ZNFX1: variants seen among roughly 807,000 people sequenced by gnomAD.
The protein encoded by ZNFX1 is NFX1-type zinc finger-containing protein 1.
Under a neutral mutation model 179.8 loss-of-function variants are expected in ZNFX1, and 78 were observed. That is an observed-to-expected ratio of 0.43 (90% CI 0.36 to 0.52). ZNFX1 has a LOEUF of 0.52. ZNFX1 is among the 20% of genes least tolerant of loss of function. The pLI, the probability that ZNFX1 is intolerant of heterozygous loss-of-function variation, is 0.00. For missense variants in ZNFX1, 1,927 were observed against 2,386.6 expected (o/e 0.81, Z 4.01); for synonymous variants, 848 against 868.5 (o/e 0.98, Z 0.42).
Position 49,264,994 on chromosome 20 carries a change from C to T in ZNFX1, c.2003-130G>A, listed in dbSNP as rs1198584373. ...AAACTTGTGCTTAAAGGAAATTTACCCCATTAATGAGTGAGAAGGTCCCCG... is the reference window on the plus strand; with the variant it reads ...AAACTTGTGCTTAAAGGAAATTTACTCCATTAATGAGTGAGAAGGTCCCCG... On this transcript the variant is annotated intron_variant, in intron 4 of 13. Coordinates refer to ENST00000396105, the MANE Select transcript of ZNFX1 (RefSeq NM_021035.3). The T allele has an allele frequency of 3.0e-5, 38 of 1,267,752 alleles. No individual in the cohort carries two copies. The East Asian group carries it at 8.7e-4, about 29-fold the overall frequency. The allele number at this position is 1,267,752 out of a possible 1,614,324, so 78.5% of individuals were successfully genotyped here. A position where few individuals can be genotyped will look rare whatever the true frequency, so the allele number is the denominator to read the frequency against.
chr20:49,272,770 A>C (rs1600998332), intron 2 of ZNFX1, among the ~76,000 whole-genome samples: 1 of 152,238 alleles, frequency 6.6e-6, no homozygotes, highest in South Asian at 2.1e-4. Flanking sequence ...TTTTTGAGCT[A>C]ACAGACTATG....
chr20:49,271,786 C>G (rs754208562), intron 2 of ZNFX1, 36 bp from the exon 3 acceptor site: 4 of 1,550,840 alleles, frequency 2.6e-6, no homozygotes, highest in Non-Finnish European at 3.5e-6. Context: ...CCACAAGAAC[C>G]AAGTTCTGTT....
At chr20:49,266,065 A>G (rs775275615) in intron 4 of ZNFX1, 70 bp downstream of exon 4, 10 of 1,543,892 alleles carry the variant, frequency 6.5e-6, no homozygotes, top group Non-Finnish European at 7.0e-6. Flanking sequence ...AGCAATAGAA[A>G]GCTACTGAAG....
rs1981351401 is a variant in ZNFX1 at position 49,270,363 on chromosome 20, C to T, written c.1449G>A (p.Gln483=). ...EQEDLCRGIV[Q]LCFNEQSQQL... ...GTTGGCTTTGCTCATTGAAGCAGAG[C>T]TGGACAATTCCTCGGCAGAGATCTT... The change falls in exon 3 of 14, where the codon CAG becomes CAA. Residue 483 remains glutamine, a synonymous_variant. Transcript: ENST00000396105. This position sits in a 1 kb window ranked among gnomAD's most constrained non-coding sequence, Gnocchi z 4.6. 3.1e-6 allele frequency: 5 copies of T among 1,614,218 alleles called. No individual in the cohort carries two copies. The highest frequency in any genetic ancestry group is 3.4e-6 in the Non-Finnish European group (4 of 1,180,042).
chr20:49,250,079 AC>A (rs1475721118), intron 13 of ZNFX1, among the ~76,000 whole-genome samples: 9 of 152,124 alleles, frequency 5.9e-5, no homozygotes, highest in Non-Finnish European at 8.8e-5. Flanking sequence ...ACATGGTGAA[AC>A]CCCGTCTCTA....
intron 5 of ZNFX1, among the ~76,000 whole-genome samples, chr20:49,263,946 G>A (rs561802498): frequency 3.3e-5 from 5 of 152,260 alleles, no homozygotes; most frequent in South Asian, 2.1e-4. Context: ...ATGTTGGGCC[G>A]GGCGCGGTGG....
intron 6 of ZNFX1, 113 bp downstream of exon 6, chr20:49,263,221 G>A: frequency 7.6e-7 from 1 of 1,320,950 alleles, no homozygotes; most frequent in Non-Finnish European, 1.0e-6. Context: ...TTTACACATT[G>A]TGGCAGCATC....
Position 49,246,510 on chromosome 20 carries a change from A to G in ZNFX1, c.*757T>C, listed in dbSNP as rs142547545. 1.2e-3 allele frequency: 218 copies of G among 186,956 alleles called. 1 individual carries two copies. The highest frequency in any genetic ancestry group is 4.6e-3 in the African/African-American group (193 of 41,900). The allele number at this position is 186,956 out of a possible 1,614,324, so 11.6% of individuals were successfully genotyped here. On this transcript the variant is annotated 3_prime_UTR_variant, in exon 14 of 14. Transcript: ENST00000396105. Reference sequence around the variant, plus strand: ...GGGTTCTTGTGCTCCTTTAAGGGATAAGCAGTTCATAAACAACTATGGGCC... The same window carrying G: ...GGGTTCTTGTGCTCCTTTAAGGGATGAGCAGTTCATAAACAACTATGGGCC...
At chr20:49,276,475 CAT>C (rs2146745800) in intron 1 of ZNFX1, among the ~76,000 whole-genome samples, 2 of 152,350 alleles carry the variant, frequency 1.3e-5, no homozygotes, top group African/African-American at 4.8e-5. Flanking sequence ...AAAGAAATTA[CAT>C]GTTTCAATAA....
intron 8 of ZNFX1, 87 bp downstream of exon 8, chr20:49,257,330 T>C: frequency 6.5e-7 from 1 of 1,547,292 alleles, no homozygotes; most frequent in South Asian, 1.2e-5. Flanking sequence ...ATTGTAATGG[T>C]GAAGTGAATA....
chr20:49,266,757 A>G (rs903342409), intron 3 of ZNFX1, among the ~76,000 whole-genome samples: 1 of 145,044 alleles, frequency 6.9e-6, no homozygotes, highest in Non-Finnish European at 1.5e-5. Context: ...CTTGTGGCAA[A>G]TTAGAAATAC....
rs1245639441 is a variant in ZNFX1 at position 49,249,299 on chromosome 20, A to G, written c.3725T>C (p.Leu1242Pro). 1.2e-6 allele frequency: 2 copies of G among 1,614,248 alleles called. No homozygotes were observed. The highest frequency in any genetic ancestry group is 1.7e-6 in the Non-Finnish European group (2 of 1,180,052). The change falls in exon 14 of 14, where the codon CTG becomes CCG. Residue 1242 changes from leucine to proline, a missense_variant. Transcript: ENST00000396105. ...GNMQMLAKVP[L>P]WSKIIHTLRE... ...AAGTGTATGAATGATCTTGCTCCAC[A>G]GGGGCACCTTGGCCAGCATCTGCAT... is the stretch of plus-strand genomic sequence containing the variant.
chr20:49,266,237 G>C lies in ZNFX1; in HGVS notation c.1900C>G (p.Gln634Glu), dbSNP rs762346311. The change falls in exon 4 of 14, where the codon CAG becomes GAG. Residue 634 changes from glutamine to glutamate, a missense_variant. Transcript: ENST00000396105. ...ACAGACTCGTTGGTTAGGAGGGCCT[G>C]AACAATTTTTAGACCCACATAGGTT... Reference protein sequence around the residue: ...GKTYVGLKIVQALLTNESVWQ... With the variant: ...GKTYVGLKIVEALLTNESVWQ... The C allele has an allele frequency of 4.3e-6, 7 of 1,610,630 alleles. No homozygotes were observed. Among genetic ancestry groups the C allele is most frequent in the Non-Finnish European group, 4.2e-6 (5 of 1,178,952 alleles).
At chr20:49,272,196 G>C (rs904250835) in intron 2 of ZNFX1, among the ~76,000 whole-genome samples, 1 of 62,418 alleles carries the variant, frequency 1.6e-5, no homozygotes, top group African/African-American at 4.6e-5. Flanking sequence ...TTTTTTTTTT[G>C]AGATGGAATC....
chr20:49,260,204 G>A (rs1981078403), intron 7 of ZNFX1, among the ~76,000 whole-genome samples: 2 of 150,224 alleles, frequency 1.3e-5, no homozygotes, highest in African/African-American at 2.5e-5. Flanking sequence ...GAGGAGAATC[G>A]CTTGAACCTG....
chr20:49,251,435 C>G, intron 13 of ZNFX1, 92 bp downstream of exon 13: 1 of 1,216,386 alleles, frequency 8.2e-7, no homozygotes. Context: ...GCCACCGCGC[C>G]TGGCCGCTGA....
chr20:49,271,462 G>A lies in ZNFX1; in HGVS notation c.350C>T (p.Pro117Leu). Residue 117 changes from proline (P) to leucine (L), a missense_variant, in exon 3 of 14, where the codon CCA (proline) becomes CTA (leucine). Pro to Leu is a moderately conservative substitution (Grantham distance 98, BLOSUM62 -3). Coordinates refer to ENST00000396105, the MANE Select transcript of ZNFX1 (RefSeq NM_021035.3). ...CTGGAAGTTGTCATTGGACCATGGT[G>A]GTCTGCGGTTCCTACAGTCCTGGTT... ...NGNQDCRNRR[P>L]PWSNDNFQQW... is the part of the protein sequence containing the mutation. 1.2e-6 allele frequency: 2 copies of A among 1,614,168 alleles called. No homozygotes were observed. Among genetic ancestry groups the A allele is most frequent in the Non-Finnish European group, 1.7e-6 (2 of 1,180,014 alleles).
chr20:49,254,366 T>C (rs1305062223), intron 10 of ZNFX1, 129 bp downstream of exon 10: 27 of 1,227,398 alleles, frequency 2.2e-5, no homozygotes, highest in Non-Finnish European at 2.8e-5. Flanking sequence ...AAAATATGGG[T>C]GCTTTCAGTA....
Position 49,252,474 on chromosome 20 carries a change from A to C in ZNFX1, c.3216+246T>G, listed in dbSNP as rs578007214. On this transcript the variant is annotated intron_variant, in intron 12 of 13. Coordinates refer to ENST00000396105, the MANE Select transcript of ZNFX1 (RefSeq NM_021035.3). ...TTCTTAAAAAAAAAAAGGAAAGAAA[A>C]TCTAGAGAGATAGAGATTATCATTT... Among the ~76,000 whole-genome samples the C allele has an allele frequency of 1.3e-3, 204 of 152,148 alleles. 1 individual carries two copies. Among genetic ancestry groups the C allele is most frequent in the Non-Finnish European group, 2.4e-3 (164 of 68,026 alleles).
Sources: gnomAD v4.1 joint callset for allele counts (sites outside exome capture counted in the v4.1 genomes callset) on GRCh38, gnomAD v4.1.1 for gene constraint, Gnocchi (gnomAD v3.1) non-coding constraint, MANE v1.5 for transcripts, NCBI Gene and HGNC (gene_info 2026-07-23, HGNC 2026-07-21) for gene names.